Variants in B4GALNT3 observed in about 807,000 individuals in gnomAD.
B4GALNT3 encodes the protein beta-1,4-N-acetylgalactosaminyltransferase 3.
B4GALNT3 carries 86 observed loss-of-function variants against 120.2 expected under a neutral mutation model. That is an observed-to-expected ratio of 0.72 (90% CI 0.60 to 0.86). The LOEUF (loss-of-function observed/expected upper bound fraction) is 0.86. Among genes scored for constraint, B4GALNT3 ranks in the 40% least tolerant of loss-of-function variants. The probability of loss-of-function intolerance (pLI) is 0.00; values close to 1 mark genes in which losing one functional copy is unlikely to be tolerated. For synonymous variants in B4GALNT3, 518 were observed against 510.4 expected (o/e 1.01, Z -0.20); for missense variants, 1,167 against 1,298.9 (o/e 0.90, Z 1.56).
chr12:480,971 A>G (rs1370900317), intron 1 of B4GALNT3, among the ~76,000 whole-genome samples: 1 of 152,234 alleles, frequency 6.6e-6, no homozygotes, highest in East Asian at 1.9e-4. Context: ...CAGCCAACAC[A>G]GAAACACTGC....
intron 1 of B4GALNT3, among the ~76,000 whole-genome samples, chr12:482,366 T>C (rs111782681): frequency 0.015 from 2,342 of 152,312 alleles, 59 homozygotes; most frequent in African/African-American, 0.049. Flanking sequence ...AGACCTGTGC[T>C]GGAAGGGAAC....
At chr12:486,029 G>T (rs928522074) in intron 1 of B4GALNT3, among the ~76,000 whole-genome samples, 2 of 152,070 alleles carry the variant, frequency 1.3e-5, no homozygotes, top group African/African-American at 4.8e-5. Context: ...AATTACTGGA[G>T]GCTCAGTGTG....
intron 1 of B4GALNT3, among the ~76,000 whole-genome samples, chr12:490,692 C>G (rs533998627): frequency 6.6e-6 from 1 of 151,294 alleles, no homozygotes; most frequent in East Asian, 1.9e-4. Context: ...TCATGCCCTG[C>G]ACTCCAGCCT....
chr12:500,134 C>CT (rs11404066), intron 1 of B4GALNT3, among the ~76,000 whole-genome samples: 35,323 of 149,232 alleles, frequency 0.24, 5,555 homozygotes, highest in African/African-American at 0.41. Context: ...GGAGAAGCAG[C>CT]TTTTTTTTTT....
At chr12:557,532 G>C in intron 15 of B4GALNT3, 76 bp from the exon 16 acceptor site, 1 of 1,491,336 alleles carries the variant, frequency 6.7e-7, no homozygotes, top group South Asian at 1.3e-5. Flanking sequence ...TCACCTGGGA[G>C]CTGGGGGTGG....
At chr12:486,600 C>T (rs909110893) in intron 1 of B4GALNT3, among the ~76,000 whole-genome samples, 5 of 152,168 alleles carry the variant, frequency 3.3e-5, no homozygotes, top group African/African-American at 4.8e-5. Context: ...GGGAAATACC[C>T]AACACCAGCC....
At chr12:555,260 G>C (rs755696885) in intron 14 of B4GALNT3, 1 of 442,880 alleles carries the variant, frequency 2.3e-6, no homozygotes, top group South Asian at 1.6e-5. Flanking sequence ...ACCCCCAGTA[G>C]TGTCTGGCAA....
At chr12:478,454 G>A (rs902409910) in intron 1 of B4GALNT3, among the ~76,000 whole-genome samples, 6 of 152,126 alleles carry the variant, frequency 3.9e-5, no homozygotes, top group African/African-American at 1.2e-4. Flanking sequence ...AGTATTTATT[G>A]ATTGAAGCAA....
rs765095101 is a variant in B4GALNT3, at chr12:558,528, C to T, written c.2628C>T (p.Phe876=). Residue 876 remains phenylalanine (F), a synonymous_variant, in exon 18 of 20, where the codon TTC becomes TTT. Coordinates refer to ENST00000266383, the MANE Select transcript of B4GALNT3 (RefSeq NM_173593.4). ...CCCAGGACCCGCACAGCATCATCTT[C>T]CTCTGTGACCTCCACATCCACTTCC... is the stretch of plus-strand genomic sequence containing the variant. The part of the protein sequence containing the change: ...DLVKDPHSII[F]LCDLHIHFPA... The T allele has an allele frequency of 4.3e-6, 7 of 1,614,046 alleles. No homozygotes were observed. The highest frequency in any genetic ancestry group is 5.1e-6 in the Non-Finnish European group (6 of 1,180,016).
Position 550,885 on chromosome 12 carries a change from A to G in B4GALNT3, c.998-37A>G. On this transcript the variant is annotated intron_variant, in intron 10 of 19. Coordinates refer to ENST00000266383, the MANE Select transcript of B4GALNT3 (RefSeq NM_173593.4). This position sits in a 1 kb window ranked among gnomAD's most constrained non-coding sequence, Gnocchi z 4.1. ...GGACTTCAGCCCCAGTTTCGTGCTC[A>G]CCCTCACCCTCACTCCTCCTCCTCC... 6.6e-7 allele frequency: 1 copy of G among 1,517,346 alleles called. No homozygotes were observed. Among genetic ancestry groups the G allele is most frequent in the African/African-American group, 1.4e-5 (1 of 72,812 alleles). 94.0% of individuals were successfully genotyped at this position (1,517,346 alleles called of 1,614,324 possible).
intron 1 of B4GALNT3, among the ~76,000 whole-genome samples, chr12:476,359 G>T (rs978470955): frequency 6.6e-6 from 1 of 152,164 alleles, no homozygotes; most frequent in Non-Finnish European, 1.5e-5. Flanking sequence ...TAGAGGCTGA[G>T]GTAAGAGAAT....
chr12:483,251 T>G lies in B4GALNT3; in HGVS notation c.169+22706T>G, dbSNP rs113040622. Among the ~76,000 whole-genome samples, 120 of 152,316 alleles carry G rather than the reference T, an allele frequency of 7.9e-4. 1 individual carries two copies. The highest frequency in any genetic ancestry group is 2.1e-3 in the African/African-American group (89 of 41,558). ...AAACCATCCTATATATTCCTTTAGA[T>G]GCATATTTCTTTTAAATAGCAATTG... On this transcript the variant is annotated intron_variant, in intron 1 of 19. Transcript: ENST00000266383.
chr12:542,604 A>G (rs1180947805), intron 3 of B4GALNT3, among the ~76,000 whole-genome samples: 1 of 151,804 alleles, frequency 6.6e-6, no homozygotes, highest in African/African-American at 2.4e-5. Flanking sequence ...TGATTGGCAC[A>G]AAGTCCCCAC....
chr12:561,300 C>A, intron 19 of B4GALNT3, 43 bp from the exon 20 acceptor site: 1 of 1,530,892 alleles, frequency 6.5e-7, no homozygotes, highest in Non-Finnish European at 9.0e-7. Flanking sequence ...CCCCAGCTGC[C>A]TTCTGTGCTT....
rs569448079 is a variant in B4GALNT3, at chr12:474,276, C to A, written c.169+13731C>A. On this transcript the variant is annotated intron_variant, in intron 1 of 19. Transcript: ENST00000266383. ...TTCTTCTTCATCACAAACCCAGATC[C>A]CAAAACCAGTATGGGGGGATGGGGG... is the stretch of plus-strand genomic sequence containing the variant. 2.0e-5 allele frequency among the ~76,000 whole-genome samples: 3 copies of A among 152,238 alleles called. No homozygotes were observed. The South Asian group carries it at 6.2e-4, about 32-fold the overall frequency.
intron 3 of B4GALNT3, chr12:540,481 G>C (rs1299645669): frequency 6.6e-6 from 1 of 152,234 alleles, no homozygotes; most frequent in African/African-American, 2.4e-5. Flanking sequence ...TTTGAGAAGA[G>C]CTTTGAAGGA....
At chr12:525,527 A>G (rs1356906910) in intron 1 of B4GALNT3, among the ~76,000 whole-genome samples, 1 of 150,174 alleles carries the variant, frequency 6.7e-6, no homozygotes, top group Non-Finnish European at 1.5e-5. Flanking sequence ...CTTCTCTCCC[A>G]CTCTTTTTCC....
At chr12:464,784 A>G (rs1196499666) in intron 1 of B4GALNT3, among the ~76,000 whole-genome samples, 2 of 152,198 alleles carry the variant, frequency 1.3e-5, no homozygotes, top group Non-Finnish European at 2.9e-5. Context: ...AGTATTCTGA[A>G]GCTCAGGAAG....
At chr12:494,781 G>T (rs1310028489) in intron 1 of B4GALNT3, among the ~76,000 whole-genome samples, 3 of 151,902 alleles carry the variant, frequency 2.0e-5, no homozygotes, top group African/African-American at 7.3e-5. Flanking sequence ...GTGATGGGGG[G>T]AGTAAACTGG....
Sources: gnomAD v4.1 joint callset for allele counts (sites outside exome capture counted in the v4.1 genomes callset) on GRCh38, gnomAD v4.1.1 for gene constraint, Gnocchi (gnomAD v3.1) non-coding constraint, MANE v1.5 for transcripts, NCBI Gene and HGNC (gene_info 2026-07-23, HGNC 2026-07-21) for gene names.